The following CUX1 variants were observed in gnomAD, a reference collection of about 807,000 sequenced individuals.
CUX1 encodes the protein cut like homeobox 1, also known as protein CASP.
CUX1 carries 31 observed loss-of-function variants against 158.8 expected under a neutral mutation model. The ratio of observed to expected loss-of-function variants is 0.20; its 90% CI spans 0.15 to 0.26. CUX1 has a LOEUF of 0.26. Among genes scored for constraint, CUX1 ranks in the 10% least tolerant of loss-of-function variants. CUX1 has a pLI of 1.00. For missense variants in CUX1, 1,589 were observed against 2,014.6 expected, an observed-to-expected ratio of 0.79 and a Z score of 4.04; for synonymous variants, 879 against 862.1, an observed-to-expected ratio of 1.02 and a Z score of -0.34.
chr7:102,129,061 A>C (rs1488076264), intron 8 of CUX1, among the ~76,000 whole-genome samples: 3 of 152,116 alleles, frequency 2.0e-5, no homozygotes, highest in Admixed American at 6.5e-5. Context: ...TGCTGCCTGC[A>C]AGGCACCTGG....
At chr7:102,113,225 A>G (rs552295063) in intron 7 of CUX1, among the ~76,000 whole-genome samples, 42 of 152,276 alleles carry the variant, frequency 2.8e-4, no homozygotes, top group African/African-American at 9.4e-4. Flanking sequence ...TCAGACTGAC[A>G]GCATTTTTTA....
intron 1 of CUX1, among the ~76,000 whole-genome samples, chr7:101,831,698 A>T (rs537814604): frequency 2.7e-5 from 4 of 150,672 alleles, no homozygotes; most frequent in Non-Finnish European, 5.9e-5. Context: ...AGCCCCACAG[A>T]GTCACTTCTG....
rs1554518516 is a variant in CUX1 at position 102,196,928 on chromosome 7, T to C, written c.1517T>C (p.Ile506Thr). 5.1e-5 allele frequency: 83 copies of C among 1,614,170 alleles called. No homozygotes were observed. Among genetic ancestry groups the C allele is most frequent in the Non-Finnish European group, 7.0e-5 (83 of 1,180,038 alleles). The change falls in exon 15 of 24, where the codon ATT (isoleucine) becomes ACT (threonine). Residue 506 changes from isoleucine (I) to threonine (T), a missense_variant. Physicochemically the swap from Ile to Thr is moderately conservative, Grantham distance 89 (BLOSUM62 -1). Transcript: ENST00000292535. ...AMQEAGSTSM[I>T]FSTGPYSTNS... ...CAGGAAGCCGGAAGCACAAGCATGA[T>C]TTTTTCAACAGGTCCATACAGCACA... is the stretch of plus-strand genomic sequence containing the variant.
intron 20 of CUX1, among the ~76,000 whole-genome samples, chr7:102,214,863 C>T (rs1385001573): frequency 6.6e-6 from 1 of 152,220 alleles, no homozygotes; most frequent in Non-Finnish European, 1.5e-5. Context: ...AAATATAGCC[C>T]GAGTCTGAAT....
chr7:102,013,931 C>G (rs559726018), intron 2 of CUX1, among the ~76,000 whole-genome samples: 1 of 152,132 alleles, frequency 6.6e-6, no homozygotes, highest in South Asian at 2.1e-4. Flanking sequence ...TCTCGAACTC[C>G]TGGGCTCAAG....
Position 102,207,296 on chromosome 7 carries a change from CT to C in CUX1, c.3130+2127del, listed in dbSNP as rs1371830591. Among the ~76,000 whole-genome samples the C allele has an allele frequency of 2.0e-5, 3 of 152,104 alleles. No homozygotes were observed. The East Asian group carries it at 5.8e-4, about 29-fold the overall frequency. ...GTGAAGAGGCAGCAGATGGGTGTGT[CT>C]CCCCCACCCGCCTTCCATGTCATTC... On this transcript the variant is annotated intron_variant, in intron 20 of 23. Transcript: ENST00000292535.
upstream of CUX1, chr7:101,817,465 G>T: frequency 1.9e-6 from 2 of 1,066,790 alleles, no homozygotes; most frequent in Non-Finnish European, 2.3e-6. The surrounding 1 kb of genome is among the most constrained non-coding windows in gnomAD (Gnocchi z 4.1). Flanking sequence ...CCCCGGCGCC[G>T]CGGGGGGACC....
chr7:102,237,026 C>T (rs1554533120), intron 22 of CUX1, among the ~76,000 whole-genome samples: 1 of 152,198 alleles, frequency 6.6e-6, no homozygotes, highest in African/African-American at 2.4e-5. Flanking sequence ...CTCCAGCCCC[C>T]TGCCAGCCCC....
At chr7:101,862,780 GAAAGTTTAGAGCTCCC>G (rs1797596265) in intron 1 of CUX1, among the ~76,000 whole-genome samples, 1 of 151,908 alleles carries the variant, frequency 6.6e-6, no homozygotes, top group Admixed American at 6.6e-5. Flanking sequence ...TGTGTGTGTG[GAAAGTTTAGAGCTCCC>G]AAAGTTTAGA....
chr7:102,076,102 G>C (rs1308656003), intron 4 of CUX1, among the ~76,000 whole-genome samples: 2 of 151,942 alleles, frequency 1.3e-5, no homozygotes, highest in African/African-American at 2.4e-5. Flanking sequence ...AGACACAAAG[G>C]CCAGGCATGG....
chr7:102,224,903 G>A (rs1406468304), intron 20 of CUX1, among the ~76,000 whole-genome samples: 1 of 152,168 alleles, frequency 6.6e-6, no homozygotes, highest in Non-Finnish European at 1.5e-5. Flanking sequence ...AGAGAAATCT[G>A]TTTATCATTT....
chr7:102,110,133 A>C (rs1185403557), intron 6 of CUX1, among the ~76,000 whole-genome samples: 1 of 152,200 alleles, frequency 6.6e-6, no homozygotes, highest in African/African-American at 2.4e-5. Context: ...ACTATATTAA[A>C]CACTTCTATT....
At chr7:101,860,735 C>CCTTT (rs1554397513) in intron 1 of CUX1, among the ~76,000 whole-genome samples, 5 of 90,442 alleles carry the variant, frequency 5.5e-5, no homozygotes, top group Non-Finnish European at 9.1e-5. Flanking sequence ...TCCCCTTCCT[C>CCTTT]CCTTCCTTCC....
Position 102,044,206 on chromosome 7 carries a change from A to C in CUX1, c.189+16061A>C, listed in dbSNP as rs368600370. Among the ~76,000 whole-genome samples the C allele has an allele frequency of 5.3e-5, 8 of 150,312 alleles. No individual in the cohort carries two copies. In the East Asian group the frequency reaches 1.2e-3, roughly 22 times the overall value. ...CCGTTTTTTTGTTTTTTTTGGAAAG[A>C]GTCTTGCTCTGTCGCCCAGGCTGGA... On this transcript the variant is annotated intron_variant, in intron 3 of 23. Transcript: ENST00000292535.
intron 1 of CUX1, among the ~76,000 whole-genome samples, chr7:101,866,316 CA>C (rs1797924149): frequency 6.6e-6 from 1 of 151,144 alleles, no homozygotes; most frequent in African/African-American, 2.4e-5. Flanking sequence ...AAAAACAAAA[CA>C]AAAATTAGCT....
chr7:102,232,931 C>G (rs1309824965), intron 21 of CUX1, among the ~76,000 whole-genome samples: 6 of 152,182 alleles, frequency 3.9e-5, no homozygotes, highest in Admixed American at 3.9e-4. Flanking sequence ...AAAAGCAGAG[C>G]TGGGCAGCTC....
intron 8 of CUX1, among the ~76,000 whole-genome samples, chr7:102,138,736 G>T (rs1179383309): frequency 6.6e-6 from 1 of 152,026 alleles, no homozygotes; most frequent in Non-Finnish European, 1.5e-5. Flanking sequence ...GATTTTCAAC[G>T]ATCGTCTACT....
chr7:102,029,387 G>A (rs1270863268), intron 3 of CUX1, among the ~76,000 whole-genome samples: 16 of 152,100 alleles, frequency 1.1e-4, no homozygotes, highest in Admixed American at 9.2e-4. Context: ...AGATATGGCC[G>A]TGAGATACAG....
chr7:102,102,639 C>T (rs1829903637), intron 5 of CUX1, among the ~76,000 whole-genome samples: 1 of 152,156 alleles, frequency 6.6e-6, no homozygotes, highest in Non-Finnish European at 1.5e-5. Context: ...CAGCTCTGCC[C>T]GGCCTCGGCT....
Sources: allele counts gnomAD v4.1 joint callset (sites outside exome capture counted in the v4.1 genomes callset), GRCh38; gene constraint gnomAD v4.1.1; non-coding constraint Gnocchi (gnomAD v3.1); transcripts MANE v1.5; gene names NCBI Gene and HGNC (gene_info 2026-07-23, HGNC 2026-07-21).